MTMR9: variants seen among roughly 807,000 people sequenced by gnomAD.
MTMR9 encodes the protein myotubularin related protein 9, also known as myotubularin-related protein 9.
Under a neutral mutation model 69.5 loss-of-function variants are expected in MTMR9, and 39 were observed. The ratio of observed to expected loss-of-function variants is 0.56; its 90% CI spans 0.43 to 0.73. MTMR9 has a LOEUF of 0.73. Among genes scored for constraint, MTMR9 ranks in the 30% least tolerant of loss-of-function variants. The pLI is 0.00. For synonymous variants in MTMR9, 354 were observed against 240.8 expected (o/e 1.47, Z -4.35); for missense variants, 900 against 671.2 (o/e 1.34, Z -3.77).
At chr8:11,304,053 AT>A (rs58955564) in intron 3 of MTMR9, among the ~76,000 whole-genome samples, 3,638 of 146,678 alleles carry the variant, frequency 0.025, 124 homozygotes, top group African/African-American at 0.08. Flanking sequence ...ATATAATTTG[AT>A]TTTTTTTTTT....
At chr8:11,330,215 C>CCA (rs1801153800), downstream of MTMR9, among the ~76,000 whole-genome samples, 1 of 150,248 alleles carries the variant, frequency 6.7e-6, no homozygotes, top group African/African-American at 2.5e-5. Context: ...TCAGCCGCGG[C>CCA]CTGGCCAGCC....
At chr8:11,306,160 G>T in intron 4 of MTMR9, 30 bp from the exon 5 acceptor site, 1 of 1,600,198 alleles carries the variant, frequency 6.2e-7, no homozygotes, top group Non-Finnish European at 8.5e-7. Flanking sequence ...AGCAACTGCT[G>T]TTGAATTTTC....
chr8:11,297,035 A>T (rs1759046875), intron 2 of MTMR9, among the ~76,000 whole-genome samples: 1 of 152,172 alleles, frequency 6.6e-6, no homozygotes, highest in African/African-American at 2.4e-5. Context: ...CTTATTTTAA[A>T]CTATTGCCAC....
At chr8:11,303,564 A>T (rs938191026) in intron 3 of MTMR9, among the ~76,000 whole-genome samples, 11 of 151,848 alleles carry the variant, frequency 7.2e-5, no homozygotes, top group African/African-American at 2.7e-4. Flanking sequence ...AAACAATCTC[A>T]CTCCAGTTGC....
intron 7 of MTMR9, 47 bp from the exon 8 acceptor site, chr8:11,316,626 T>C (rs1800426233): frequency 1.5e-6 from 2 of 1,319,026 alleles, no homozygotes; most frequent in Non-Finnish European, 2.1e-6. Context: ...TGCTCTGTCA[T>C]GTGATCTCAC....
At chr8:11,299,894 C>T in intron 2 of MTMR9, 129 bp from the exon 3 acceptor site, 1 of 1,103,324 alleles carries the variant, frequency 9.1e-7, no homozygotes, top group Non-Finnish European at 1.3e-6. Flanking sequence ...GTGATAAACA[C>T]AATGTTAGAG....
chr8:11,338,640 A>C, the MTMR9 span, among the ~76,000 whole-genome samples: 1 of 152,204 alleles, frequency 6.6e-6, no homozygotes, highest in Non-Finnish European at 1.5e-5. Context: ...CTGGCAGCCA[A>C]GGAGGTCACT....
At chr8:11,307,642 A>G (rs992237886) in intron 5 of MTMR9, among the ~76,000 whole-genome samples, 1 of 152,214 alleles carries the variant, frequency 6.6e-6, no homozygotes, top group African/African-American at 2.4e-5. Flanking sequence ...CACAGTGGCC[A>G]TACTAATTTA....
At chr8:11,305,182 C>G (rs1445152031) in intron 4 of MTMR9, among the ~76,000 whole-genome samples, 168 bp downstream of exon 4, 1 of 152,128 alleles carries the variant, frequency 6.6e-6, no homozygotes, top group Non-Finnish European at 1.5e-5. Context: ...AGGGTGTTTT[C>G]TGTGGTGAGG....
chr8:11,287,560 G>A (rs1010364868), intron 1 of MTMR9, among the ~76,000 whole-genome samples: 29 of 151,188 alleles, frequency 1.9e-4, no homozygotes, highest in Admixed American at 1.7e-3. Context: ...TGTTTTCCAC[G>A]TGCATTGTCT....
the MTMR9 span, among the ~76,000 whole-genome samples, chr8:11,339,346 C>T: frequency 6.6e-6 from 1 of 152,210 alleles, no homozygotes; most frequent in African/African-American, 2.4e-5. Flanking sequence ...TTGGAAGAGT[C>T]AGTATACATT....
chr8:11,298,325 G>C (rs1799627769), intron 2 of MTMR9, among the ~76,000 whole-genome samples: 1 of 151,994 alleles, frequency 6.6e-6, no homozygotes, highest in African/African-American at 2.4e-5. Context: ...ATGGACGCTG[G>C]CTGTTCTGCT....
chr8:11,323,656 C>G lies in MTMR9; in HGVS notation c.*868C>G, dbSNP rs1800793993. ...AAGCTACAAATAGGTTTTCTTAAAC[C>G]AGAGATGCACTGCCCTTGTCTAAAG... On this transcript the variant is annotated 3_prime_UTR_variant, in exon 10 of 10. Transcript: ENST00000221086. 6.6e-6 allele frequency: 1 copy of G among 151,266 alleles called. No individual in the cohort carries two copies. The highest frequency in any genetic ancestry group is 2.5e-5 in the African/African-American group (1 of 40,616). 9.4% of individuals were successfully genotyped at this position (151,266 alleles called of 1,614,324 possible). A position where few individuals can be genotyped will look rare whatever the true frequency, so the allele number is the denominator to read the frequency against.
rs149341135 is a variant in MTMR9, at chr8:11,322,729, A to G, written c.1591A>G (p.Ile531Val). ...YNKELQAKVN[I>V]LRRQLAELET... ...TAAAGAATTACAAGCAAAAGTCAATATCCTTCGAAGGCAGTTGGCAGAACT... is the reference window on the plus strand; with the variant it reads ...TAAAGAATTACAAGCAAAAGTCAATGTCCTTCGAAGGCAGTTGGCAGAACT... The change falls in exon 10 of 10, where the codon ATC (isoleucine) becomes GTC (valine). Residue 531 changes from isoleucine (I) to valine (V), a missense_variant. By Grantham distance (29) the Ile-to-Val change is conservative (BLOSUM62 3). Transcript: ENST00000221086. 51 of 1,614,024 alleles carry G rather than the reference A, an allele frequency of 3.2e-5. No homozygotes were observed. In the African/African-American group the frequency reaches 4.7e-4, roughly 15 times the overall value.
intron 6 of MTMR9, among the ~76,000 whole-genome samples, chr8:11,314,557 A>T (rs930018252): frequency 2.6e-5 from 4 of 152,206 alleles, no homozygotes; most frequent in Admixed American, 2.6e-4. Context: ...GCTTTAACCA[A>T]CGATTAAAGC....
chr8:11,329,334 T>C (rs1158541729), downstream of MTMR9, among the ~76,000 whole-genome samples: 1 of 152,230 alleles, frequency 6.6e-6, no homozygotes, highest in Non-Finnish European at 1.5e-5. Flanking sequence ...TCCCTCTCCC[T>C]CTCTTTCCAT....
At chr8:11,328,729 C>G (rs76300339), downstream of MTMR9, among the ~76,000 whole-genome samples, 4,597 of 152,246 alleles carry the variant, frequency 0.03, 249 homozygotes, top group African/African-American at 0.11. Flanking sequence ...AAAATAGTTA[C>G]TAGTTACAAA....
At chr8:11,299,878 T>C in intron 2 of MTMR9, 145 bp from the exon 3 acceptor site, 3 of 926,542 alleles carry the variant, frequency 3.2e-6, no homozygotes, top group Non-Finnish European at 4.6e-6. Context: ...ACTAAAATTG[T>C]ATCTGGTGAT....
At chr8:11,308,227 G>A (rs1800045986) in intron 5 of MTMR9, among the ~76,000 whole-genome samples, 2 of 152,136 alleles carry the variant, frequency 1.3e-5, no homozygotes. Context: ...AGTATGGTGT[G>A]AGGTAAGGGT....
Sources: gnomAD v4.1 joint callset for allele counts (sites outside exome capture counted in the v4.1 genomes callset) on GRCh38, gnomAD v4.1.1 for gene constraint, MANE v1.5 for transcripts, NCBI Gene and HGNC (gene_info 2026-07-23, HGNC 2026-07-21) for gene names.